Variants in DDAH1 observed in about 807,000 individuals in gnomAD.
The protein encoded by DDAH1 is N(G),N(G)-dimethylarginine dimethylaminohydrolase 1.
DDAH1 carries 19 observed loss-of-function variants against 28.8 expected under a neutral mutation model. The ratio of observed to expected loss-of-function variants is 0.66; its 90% CI spans 0.46 to 0.97. DDAH1 has a LOEUF of 0.97. Ranked by LOEUF, DDAH1 falls within the 50% of genes least tolerant of loss-of-function variation. The pLI, the probability that DDAH1 is intolerant of heterozygous loss-of-function variation, is 0.00. For missense variants in DDAH1, 326 were observed against 375.9 expected (o/e 0.87, Z 1.10); for synonymous variants, 153 against 154.4 (o/e 0.99, Z 0.07).
intron 1 of DDAH1, among the ~76,000 whole-genome samples, chr1:85,389,232 TCAAAA>T (rs1651422926): frequency 6.6e-6 from 1 of 151,202 alleles, no homozygotes; most frequent in African/African-American, 2.5e-5. Context: ...AGATCCTGTC[TCAAAA>T]CAAACAAACA....
intron 2 of DDAH1, among the ~76,000 whole-genome samples, chr1:85,471,245 T>C (rs1655608278): frequency 2.0e-5 from 3 of 152,248 alleles, no homozygotes. Flanking sequence ...GTTCCAGCTC[T>C]CAGCTGGGTT....
At chr1:85,343,947 G>A (rs183154738) in intron 4 of DDAH1, among the ~76,000 whole-genome samples, 8 of 152,318 alleles carry the variant, frequency 5.3e-5, no homozygotes, top group African/African-American at 1.9e-4. Flanking sequence ...AACAGGCTGT[G>A]TGCTATGCAA....
intron 1 of DDAH1, among the ~76,000 whole-genome samples, chr1:85,546,724 G>T (rs948815643): frequency 3.3e-5 from 5 of 152,026 alleles, no homozygotes; most frequent in African/African-American, 1.2e-4. Context: ...GGAGAAAATG[G>T]TCTTTCTGTA....
intron 1 of DDAH1, among the ~76,000 whole-genome samples, chr1:85,407,125 T>C (rs925122778): frequency 6.6e-6 from 1 of 152,172 alleles, no homozygotes; most frequent in Non-Finnish European, 1.5e-5. Context: ...TTCTCACGTA[T>C]TTTCCCAAGT....
intron 1 of DDAH1, among the ~76,000 whole-genome samples, chr1:85,516,139 C>T (rs1279530075): frequency 1.3e-5 from 2 of 151,678 alleles, no homozygotes; most frequent in African/African-American, 4.9e-5. Flanking sequence ...TGCCCTATAC[C>T]CAAACAGTCA....
intron 1 of DDAH1, among the ~76,000 whole-genome samples, chr1:85,517,737 A>G (rs1657520259): frequency 6.6e-6 from 1 of 152,186 alleles, no homozygotes; most frequent in South Asian, 2.1e-4. Flanking sequence ...CAAGACACTA[A>G]GGCTCCCAAA....
intron 1 of DDAH1, among the ~76,000 whole-genome samples, chr1:85,406,582 T>A (rs923062087): frequency 9.2e-5 from 14 of 152,264 alleles, no homozygotes; most frequent in African/African-American, 3.4e-4. Context: ...ATTTTTTAAT[T>A]AACAAAAATT....
chr1:85,556,377 C>A (rs1330763834), intron 1 of DDAH1, among the ~76,000 whole-genome samples: 2 of 152,184 alleles, frequency 1.3e-5, no homozygotes, highest in African/African-American at 2.4e-5. Flanking sequence ...TGAGGTAGAT[C>A]ACCACAAGTC....
intron 1 of DDAH1, among the ~76,000 whole-genome samples, chr1:85,514,288 A>G (rs1480408165): frequency 6.6e-6 from 1 of 152,224 alleles, no homozygotes; most frequent in Non-Finnish European, 1.5e-5. Context: ...ACAAGGACAG[A>G]AAACCAGACA....
chr1:85,440,667 A>G (rs1654148288), intron 1 of DDAH1, among the ~76,000 whole-genome samples: 6 of 152,244 alleles, frequency 3.9e-5, no homozygotes, highest in African/African-American at 1.4e-4. Context: ...TAACTTCCTT[A>G]GATAAAAGTC....
chr1:85,351,542 A>G lies in DDAH1; in HGVS notation c.441T>C (p.Asn147=). Residue 147 remains asparagine, a synonymous_variant, in exon 3 of 6, where the codon AAT becomes AAC. Coordinates refer to ENST00000284031, the MANE Select transcript of DDAH1 (RefSeq NM_012137.4). ...EFFVGLSKRT[N]QRGAEILADT... is the part of the protein sequence containing the mutation. Reference sequence around the variant, plus strand: ...CAGCCAAGATTTCAGCACCTCGTTGATTTGTCCTTTTGGAAAGGCCCACAA... The same window carrying G: ...CAGCCAAGATTTCAGCACCTCGTTGGTTTGTCCTTTTGGAAAGGCCCACAA... 3 of 1,614,104 alleles carry G rather than the reference A, an allele frequency of 1.9e-6. No individual in the cohort carries two copies. The highest frequency in any genetic ancestry group is 2.5e-6 in the Non-Finnish European group (3 of 1,180,000).
chr1:85,504,437 T>A (rs1226803336), intron 1 of DDAH1, among the ~76,000 whole-genome samples: 1 of 152,008 alleles, frequency 6.6e-6, no homozygotes, highest in Non-Finnish European at 1.5e-5. Context: ...ATCTCCTGGG[T>A]CACTCTCCTG....
At chr1:85,366,264 G>A (rs2100874781) in intron 1 of DDAH1, among the ~76,000 whole-genome samples, 1 of 152,168 alleles carries the variant, frequency 6.6e-6, no homozygotes, top group African/African-American at 2.4e-5. Context: ...TTTATCAAAT[G>A]GTCAATACGT....
chr1:85,366,019 A>G (rs1650055556), intron 1 of DDAH1, among the ~76,000 whole-genome samples: 1 of 152,058 alleles, frequency 6.6e-6, no homozygotes, highest in Non-Finnish European at 1.5e-5. Context: ...GAATGTAAAC[A>G]TCCATGTTGT....
chr1:85,570,497 C>A (rs1659422864), intron 1 of DDAH1, among the ~76,000 whole-genome samples: 1 of 152,192 alleles, frequency 6.6e-6, no homozygotes, highest in African/African-American at 2.4e-5. Flanking sequence ...CAGCCTCAGA[C>A]TGCCCGTGGC....
intron 4 of DDAH1, among the ~76,000 whole-genome samples, chr1:85,348,050 G>GA (rs1207621442): frequency 6.6e-6 from 1 of 152,202 alleles, no homozygotes; most frequent in Non-Finnish European, 1.5e-5. Context: ...TTTGCTGATG[G>GA]AAAATGCAAT....
At chr1:85,369,715 A>G (rs1650276130) in intron 1 of DDAH1, among the ~76,000 whole-genome samples, 1 of 152,224 alleles carries the variant, frequency 6.6e-6, no homozygotes, top group African/African-American at 2.4e-5. Flanking sequence ...TCTGGTGAGG[A>G]TATGGAGAGA....
At chr1:85,323,156 T>C (rs1054734066) in intron 5 of DDAH1, among the ~76,000 whole-genome samples, 2 of 152,174 alleles carry the variant, frequency 1.3e-5, no homozygotes, top group Non-Finnish European at 2.9e-5. Context: ...GAGGCTGTGA[T>C]TAGAGAGTGA....
At chr1:85,515,162 G>A (rs1411230162) in intron 1 of DDAH1, among the ~76,000 whole-genome samples, 1 of 150,270 alleles carries the variant, frequency 6.7e-6, no homozygotes, top group Admixed American at 6.7e-5. Flanking sequence ...GGCCAAGGCG[G>A]GCAGATAACT....
Sources: gnomAD v4.1 joint callset for allele counts (sites outside exome capture counted in the v4.1 genomes callset) on GRCh38, gnomAD v4.1.1 for gene constraint, MANE v1.5 for transcripts, NCBI Gene and HGNC (gene_info 2026-07-23, HGNC 2026-07-21) for gene names.